The following KIF9 variants were observed in gnomAD, a reference collection of about 807,000 sequenced individuals.
KIF9 encodes the protein kinesin-like protein KIF9.
In KIF9, 68 loss-of-function variants were observed where a neutral mutation model predicts 94.8. The observed-to-expected ratio is 0.72, with a 90% confidence interval of 0.59 to 0.88. The LOEUF is 0.88. Among genes scored for constraint, KIF9 ranks in the 40% least tolerant of loss-of-function variants. KIF9 has a pLI of 0.00. For missense variants in KIF9, 882 were observed against 982.5 expected (o/e 0.90, Z 1.37); for synonymous variants, 343 against 362.1 (o/e 0.95, Z 0.60).
rs761160457 is a variant in KIF9 at position 47,265,877 on chromosome 3, A to G, written c.769T>C (p.Ser257Pro). 3.1e-6 allele frequency: 5 copies of G among 1,614,166 alleles called. No individual in the cohort carries two copies. Among genetic ancestry groups the G allele is most frequent in the Admixed American group, 3.3e-5 (2 of 60,020 alleles). The change falls in exon 8 of 21, where the codon TCT (serine) becomes CCT (proline). Residue 257 changes from serine to proline, a missense_variant and splice_region_variant. Ser to Pro is a moderately conservative substitution (Grantham distance 74). Coordinates refer to ENST00000684063, the MANE Select transcript of KIF9 (RefSeq NM_182902.4). ...GCTTCCTTCAGGACTTGGCCCTCAG[A>G]CTACAAAGCAAAGGTCAGTTCCACT... ...AGSERLGKSG[S>P]EGQVLKEATY... is the part of the protein sequence containing the mutation.
intron 7 of KIF9, chr3:47,266,188 G>C (rs942940027): frequency 1.8e-5 from 5 of 274,232 alleles, no homozygotes; most frequent in African/African-American, 1.1e-4. Context: ...TGAAATACTT[G>C]TCTAGATATT....
rs765709513 is a variant in KIF9, at chr3:47,247,446, A to G, written c.1160T>C (p.Met387Thr). The stretch of plus-strand genomic sequence containing the variant: ...GATCTCAGCAATCTGGATTTCATCC[A>G]TGGGGTCATAGGTCACAAAGGTGCG... ...TNRTFVTYDP[M>T]DEIQIAEINS... is the part of the protein sequence containing the mutation. The change falls in exon 12 of 21, where the codon ATG (methionine) becomes ACG (threonine). Residue 387 changes from methionine (M) to threonine (T), a missense_variant. By Grantham distance (81) the Met-to-Thr change is moderately conservative. Transcript: ENST00000684063. 6 of 1,613,758 alleles carry G rather than the reference A, an allele frequency of 3.7e-6. No individual in the cohort carries two copies. The highest frequency in any genetic ancestry group is 1.3e-5 in the African/African-American group (1 of 74,936).
chr3:47,235,578 T>C lies in KIF9; in HGVS notation c.2257A>G (p.Arg753Gly). Residue 753 changes from arginine to glycine, a missense_variant, in exon 20 of 21, where the codon AGG becomes GGG. Transcript: ENST00000684063. Reference protein sequence around the residue: ...DQDKFSQLQQRVLPEGPDSIS... With the variant: ...DQDKFSQLQQGVLPEGPDSIS... The stretch of plus-strand genomic sequence containing the variant: ...GAATCAGGGCCCTCAGGAAGCACCC[T>C]CTGCTGCAGCTGGCTGAATTTGTCC... 6.2e-7 allele frequency: 1 copy of C among 1,614,154 alleles called. No homozygotes were observed. Among genetic ancestry groups the C allele is most frequent in the Non-Finnish European group, 8.5e-7 (1 of 1,180,006 alleles).
At chr3:47,268,786 T>C (rs572272484) in intron 5 of KIF9, among the ~76,000 whole-genome samples, 4 of 152,160 alleles carry the variant, frequency 2.6e-5, no homozygotes, top group Non-Finnish European at 4.4e-5. Flanking sequence ...GGTTTCGCCA[T>C]GTTGCTCAGA....
At chr3:47,239,834 C>G in intron 17 of KIF9, 1 of 1,367,840 alleles carries the variant, frequency 7.3e-7, no homozygotes, top group Non-Finnish European at 9.8e-7. Context: ...CAAGTGACAT[C>G]TGGAGATCAC....
chr3:47,241,817 A>G (rs868196332), intron 16 of KIF9, among the ~76,000 whole-genome samples: 33 of 144,372 alleles, frequency 2.3e-4, no homozygotes, highest in Middle Eastern at 3.6e-3. Flanking sequence ...GTATATATGT[A>G]TATATATACA....
In KIF9 at chr3:47,257,015, G is replaced by C. The variant is rs1018362040; in HGVS notation, c.1059+468C>G. On this transcript the variant is annotated intron_variant, in intron 10 of 20. Transcript: ENST00000684063. ...GAGACACAAACACTGCGGAAGGCCA[G>C]AGGGTCCTCTGCCTAGGAAAACCAG... 4.6e-5 allele frequency among the ~76,000 whole-genome samples: 7 copies of C among 152,244 alleles called. No homozygotes were observed. The South Asian group carries it at 8.3e-4, about 18-fold the overall frequency.
At position 47,273,643 on chromosome 3, in the gene KIF9, T is replaced by C. The variant is rs1701784342; in HGVS notation, c.275A>G (p.Tyr92Cys). 4 of 1,613,934 alleles carry C rather than the reference T, an allele frequency of 2.5e-6. No individual in the cohort carries two copies. The highest frequency in any genetic ancestry group is 3.4e-6 in the Non-Finnish European group (4 of 1,179,914). Residue 92 changes from tyrosine to cysteine, a missense_variant, in exon 4 of 21, where the codon TAT (tyrosine) becomes TGT (cysteine). Transcript: ENST00000684063. The part of the protein sequence containing the change: ...LDGYNGTIMC[Y>C]GQTGAGKTYT... ...TGTCTTGCCAGCTCCCGTCTGCCCA[T>C]AACACATGATGGTGCCTGCAAACAT...
chr3:47,247,524 C>T, intron 11 of KIF9, 47 bp from the exon 12 acceptor site: 3 of 1,444,142 alleles, frequency 2.1e-6, no homozygotes, highest in East Asian at 4.6e-5. Context: ...AGAACCTGAG[C>T]CCACAGGGGA....
chr3:47,251,999 C>T (rs908979975), intron 10 of KIF9, among the ~76,000 whole-genome samples: 1 of 152,094 alleles, frequency 6.6e-6, no homozygotes, highest in African/African-American at 2.4e-5. Flanking sequence ...GATTAGGAAC[C>T]CAGTCTTCTG....
Position 47,249,148 on chromosome 3 carries a change from A to AT in KIF9, c.1060-1063dup, listed in dbSNP as rs36111901. Among the ~76,000 whole-genome samples, 421 of 138,988 alleles carry AT rather than the reference A, an allele frequency of 3.0e-3. 9 individuals are homozygous for AT. Among genetic ancestry groups the AT allele is most frequent in the East Asian group, 4.1e-3 (19 of 4,642 alleles). The allele number at this position is 138,988 out of a possible 152,430, so 91.2% of individuals were successfully genotyped here. On this transcript the variant is annotated intron_variant, in intron 10 of 20. Transcript: ENST00000684063. ...ATAATAATCATGTATGTCACCTCTA[A>AT]TTTTTTTTTTTTTTTGAGATGGGGT... is the stretch of plus-strand genomic sequence containing the variant.
intron 17 of KIF9, chr3:47,239,538 G>T: frequency 9.2e-7 from 1 of 1,092,738 alleles, no homozygotes; most frequent in Non-Finnish European, 1.1e-6. Context: ...GATAAGAATG[G>T]CCCCAAGAAT....
chr3:47,235,860 C>T (rs1236339624), intron 19 of KIF9, among the ~76,000 whole-genome samples, 174 bp downstream of exon 19: 2 of 152,222 alleles, frequency 1.3e-5, no homozygotes, highest in African/African-American at 4.8e-5. Context: ...GTATTTTCCC[C>T]CATTCCTTGA....
chr3:47,246,367 C>T (rs1273805171), intron 12 of KIF9, 115 bp from the exon 13 acceptor site: 6 of 682,704 alleles, frequency 8.8e-6, no homozygotes, highest in South Asian at 8.6e-5. Flanking sequence ...CCATCTGTCT[C>T]GAGAAGAGGA....
At chr3:47,275,192 G>T in intron 3 of KIF9, 133 bp downstream of exon 3, 4 of 702,286 alleles carry the variant, frequency 5.7e-6, no homozygotes, top group Non-Finnish European at 9.2e-6. Flanking sequence ...AGTAAGTTTT[G>T]CAACGTAAGA....
At position 47,264,004 on chromosome 3, in the gene KIF9, C is replaced by T. The variant is rs778745795; in HGVS notation, c.981+282G>A. On this transcript the variant is annotated intron_variant, in intron 9 of 20. Coordinates refer to ENST00000684063, the MANE Select transcript of KIF9 (RefSeq NM_182902.4). ...GGAGCAGCACCCCAGGAAACATGGT[C>T]CTTGTCTTCACAAAGCTGGCTCTCA... 2.3e-5 allele frequency: 12 copies of T among 533,276 alleles called. No homozygotes were observed. In the Admixed American group the frequency reaches 2.7e-4, roughly 12 times the overall value. 33.0% of individuals were successfully genotyped at this position (533,276 alleles called of 1,614,324 possible).
intron 1 of KIF9, chr3:47,281,067 C>T: frequency 1.4e-6 from 1 of 702,558 alleles, no homozygotes; most frequent in East Asian, 2.7e-5. Flanking sequence ...CTTTTGAATC[C>T]CCTCACAATG....
intron 1 of KIF9, chr3:47,282,232 C>T (rs1702421722): frequency 1.0e-6 from 1 of 985,466 alleles, no homozygotes; most frequent in African/African-American, 1.7e-5. Flanking sequence ...CTCTGGCTCC[C>T]TGCCTCACGG....
chr3:47,265,963 C>T, intron 7 of KIF9, 86 bp from the exon 8 acceptor site: 2 of 1,482,710 alleles, frequency 1.3e-6, no homozygotes, highest in Non-Finnish European at 1.9e-6. Flanking sequence ...TGGAGAAATG[C>T]TATAAGTCTG....
Sources: allele counts gnomAD v4.1 joint callset (sites outside exome capture counted in the v4.1 genomes callset), GRCh38; gene constraint gnomAD v4.1.1; transcripts MANE v1.5; gene names NCBI Gene and HGNC (gene_info 2026-07-23, HGNC 2026-07-21).